PPARGC1A: variants seen among roughly 807,000 people sequenced by gnomAD.
PPARGC1A encodes peroxisome proliferator-activated receptor gamma coactivator 1-alpha.
PPARGC1A carries 25 observed loss-of-function variants against 88.7 expected under a neutral mutation model. The ratio of observed to expected loss-of-function variants is 0.28; its 90% CI spans 0.21 to 0.39. The LOEUF is 0.39. PPARGC1A is among the 10% of genes least tolerant of loss of function. The pLI is 1.00. For missense variants in PPARGC1A, 880 were observed against 968.7 expected (o/e 0.91, Z 1.22); for synonymous variants, 363 against 355.6 (o/e 1.02, Z -0.24).
the PPARGC1A span, among the ~76,000 whole-genome samples, chr4:23,986,021 G>A: frequency 6.9e-6 from 1 of 145,892 alleles, no homozygotes; most frequent in Non-Finnish European, 1.5e-5. Context: ...TGTAAGATAA[G>A]AAGACTTGAT....
chr4:24,149,683 T>G, the PPARGC1A span, among the ~76,000 whole-genome samples: 1 of 152,196 alleles, frequency 6.6e-6, no homozygotes, highest in Non-Finnish European at 1.5e-5. Flanking sequence ...AAAATGGACT[T>G]GCAAATAGAA....
intron 2 of PPARGC1A, among the ~76,000 whole-genome samples, chr4:23,848,775 T>C (rs1224014582): frequency 1.3e-5 from 2 of 152,132 alleles, no homozygotes; most frequent in East Asian, 3.9e-4. Flanking sequence ...GATTTAGCCT[T>C]AGAAAAAAAG....
the PPARGC1A span, among the ~76,000 whole-genome samples, chr4:24,121,996 A>G: frequency 6.6e-6 from 1 of 151,938 alleles, no homozygotes; most frequent in South Asian, 2.1e-4. Context: ...ATGCTGACTC[A>G]AAGGGAGTGG....
the PPARGC1A span, among the ~76,000 whole-genome samples, chr4:24,055,322 G>A: frequency 6.6e-6 from 1 of 152,192 alleles, no homozygotes; most frequent in Non-Finnish European, 1.5e-5. Context: ...CATTCAAGAA[G>A]TAGTGGTGAA....
the PPARGC1A span, among the ~76,000 whole-genome samples, chr4:24,072,280 A>C: frequency 7.9e-5 from 12 of 151,474 alleles, no homozygotes; most frequent in African/African-American, 2.7e-4. Flanking sequence ...ATTTAATTAA[A>C]GCTAGAAGAA....
chr4:23,852,772 C>A (rs1190520030), intron 2 of PPARGC1A, among the ~76,000 whole-genome samples: 1 of 152,034 alleles, frequency 6.6e-6, no homozygotes, highest in African/African-American at 2.4e-5. Flanking sequence ...CCATATAAAG[C>A]CTAGTTTTTA....
At chr4:24,312,093 G>A in the PPARGC1A span, among the ~76,000 whole-genome samples, 1 of 152,138 alleles carries the variant, frequency 6.6e-6, no homozygotes, top group Admixed American at 6.5e-5. Context: ...TCTATAACAA[G>A]TTTTATCACT....
At chr4:24,027,718 T>C in the PPARGC1A span, among the ~76,000 whole-genome samples, 3 of 152,294 alleles carry the variant, frequency 2.0e-5, no homozygotes, top group East Asian at 5.8e-4. Flanking sequence ...CAGTACCATG[T>C]CCAACATGTC....
the PPARGC1A span, among the ~76,000 whole-genome samples, chr4:24,289,219 C>CAAAAAAA: frequency 3.6e-5 from 3 of 82,774 alleles, no homozygotes; most frequent in African/African-American, 8.5e-5. Context: ...GACTCCGTCT[C>CAAAAAAA]AAAAAAAAAA....
At chr4:24,087,375 C>A in the PPARGC1A span, among the ~76,000 whole-genome samples, 1 of 152,136 alleles carries the variant, frequency 6.6e-6, no homozygotes, top group Non-Finnish European at 1.5e-5. Flanking sequence ...TTGAGGAGTT[C>A]ATCTTCTTGT....
At chr4:24,332,774 C>T in the PPARGC1A span, among the ~76,000 whole-genome samples, 1 of 152,324 alleles carries the variant, frequency 6.6e-6, no homozygotes, top group South Asian at 2.1e-4. Context: ...AGGGAGTTAA[C>T]AGATGCGATA....
At chr4:23,894,293 T>C (rs1298120828), upstream of PPARGC1A, among the ~76,000 whole-genome samples, 1 of 152,158 alleles carries the variant, frequency 6.6e-6, no homozygotes, top group East Asian at 1.9e-4. Context: ...TTGCTTTTAA[T>C]TCCTAGAGGG....
the PPARGC1A span, among the ~76,000 whole-genome samples, chr4:24,270,298 T>A: frequency 2.1e-5 from 3 of 142,978 alleles, no homozygotes; most frequent in Non-Finnish European, 1.5e-5. Flanking sequence ...TCCCTTATAA[T>A]AAATCAACCT....
intron 2 of PPARGC1A, chr4:23,881,234 C>G (rs1410816266): frequency 6.6e-6 from 1 of 152,178 alleles, no homozygotes; most frequent in Non-Finnish European, 1.5e-5. Context: ...ACACATGGAT[C>G]AGATTCACTG....
chr4:23,892,369 C>T (rs1224792868), upstream of PPARGC1A, among the ~76,000 whole-genome samples: 2 of 151,888 alleles, frequency 1.3e-5, no homozygotes, highest in Non-Finnish European at 2.9e-5. Flanking sequence ...TGCATTTCCC[C>T]CTCAAATTTC....
the PPARGC1A span, among the ~76,000 whole-genome samples, chr4:24,385,152 T>A: frequency 6.6e-6 from 1 of 151,788 alleles, no homozygotes; most frequent in Non-Finnish European, 1.5e-5. Context: ...GGGGGGTAAA[T>A]AACAAAATTA....
the PPARGC1A span, among the ~76,000 whole-genome samples, chr4:24,388,143 G>A: frequency 4.0e-5 from 6 of 148,296 alleles, no homozygotes; most frequent in Non-Finnish European, 4.5e-5. Context: ...AAATCTACAA[G>A]AAAAAAAAAA....
chr4:24,220,490 G>A, the PPARGC1A span, among the ~76,000 whole-genome samples: 3 of 152,112 alleles, frequency 2.0e-5, no homozygotes, highest in African/African-American at 7.2e-5. Flanking sequence ...CATCAACGGT[G>A]GATTGGATAA....
the PPARGC1A span, among the ~76,000 whole-genome samples, chr4:24,269,239 C>G: frequency 6.6e-6 from 1 of 151,854 alleles, no homozygotes; most frequent in Non-Finnish European, 1.5e-5. Context: ...TGAATTTTGA[C>G]GACCAAATTT....
Sources: gnomAD v4.1 joint callset for allele counts (sites outside exome capture counted in the v4.1 genomes callset) on GRCh38, gnomAD v4.1.1 for gene constraint, MANE v1.5 for transcripts, NCBI Gene and HGNC (gene_info 2026-07-23, HGNC 2026-07-21) for gene names.